CRAMP1: variants seen among roughly 807,000 people sequenced by gnomAD.
CRAMP1 encodes the protein protein cramped-like.
Under a neutral mutation model 115.4 loss-of-function variants are expected in CRAMP1, and 50 were observed. The ratio of observed to expected loss-of-function variants is 0.43; its 90% CI spans 0.35 to 0.55. The LOEUF is 0.55. CRAMP1 is among the 20% of genes least tolerant of loss of function. The pLI is 0.01. For synonymous variants in CRAMP1, 866 were observed against 745.4 expected (o/e 1.16, Z -2.64); for missense variants, 1,679 against 1,721.7 (o/e 0.98, Z 0.44).
rs1480985613 is a variant in CRAMP1 at position 1,612,608 on chromosome 16, C to G, written c.-51C>G. 6.6e-6 allele frequency among the ~76,000 whole-genome samples: 1 copy of G among 151,816 alleles called. No individual in the cohort carries two copies. Among genetic ancestry groups the G allele is most frequent in the South Asian group, 2.1e-4 (1 of 4,834 alleles). On this transcript the variant is annotated 5_prime_UTR_variant, in exon 1 of 21. Coordinates refer to ENST00000397412, the MANE Select transcript of CRAMP1 (RefSeq NM_020825.4). The stretch of plus-strand genomic sequence containing the variant: ...CCCGGCCCGGCTGGTTCTGCGGGCA[C>G]CCGGGGAGGCCCCGGGAAGCCAGGC...
chr16:1,674,313 A>G lies in CRAMP1; in HGVS notation c.*268A>G. ...CGCCTGGGCCCATGTTAGGGTCTGC[A>G]TAATGATCCCATTTCAGCCTGTGCT... On this transcript the variant is annotated 3_prime_UTR_variant, in exon 21 of 21. Coordinates refer to ENST00000397412, the MANE Select transcript of CRAMP1 (RefSeq NM_020825.4). 2.1e-6 allele frequency: 1 copy of G among 486,962 alleles called. No individual in the cohort carries two copies. Among genetic ancestry groups the G allele is most frequent in the Non-Finnish European group, 3.7e-6 (1 of 270,182 alleles). The allele number at this position is 486,962 out of a possible 1,614,324, so 30.2% of individuals were successfully genotyped here.
chr16:1,628,886 C>A (rs945107943), intron 3 of CRAMP1, among the ~76,000 whole-genome samples: 1 of 152,204 alleles, frequency 6.6e-6, no homozygotes, highest in African/African-American at 2.4e-5. Context: ...GCTCCTCAGG[C>A]GAGAGTGCTG....
Position 1,624,554 on chromosome 16 carries a change from G to A in CRAMP1, c.347-1419G>A, listed in dbSNP as rs778945696. Among the ~76,000 whole-genome samples, 82 of 151,560 alleles carry A rather than the reference G, an allele frequency of 5.4e-4. 1 individual carries two copies. Among genetic ancestry groups the A allele is most frequent in the Middle Eastern group, 3.4e-3 (1 of 294 alleles). On this transcript the variant is annotated intron_variant, in intron 2 of 20. Coordinates refer to ENST00000397412, the MANE Select transcript of CRAMP1 (RefSeq NM_020825.4). ...CTGCCTCAGTCTCCCAAGTAGCTAG[G>A]ACTACAGGCGTGCACCACCACACCT... is the stretch of plus-strand genomic sequence containing the variant.
At chr16:1,633,887 G>C (rs1185294847) in intron 4 of CRAMP1, among the ~76,000 whole-genome samples, 1 of 152,164 alleles carries the variant, frequency 6.6e-6, no homozygotes, top group Non-Finnish European at 1.5e-5. Flanking sequence ...GGCCAACATG[G>C]TGAAACCGCA....
Position 1,669,356 on chromosome 16 carries a change from G to C in CRAMP1, c.3499+191G>C, listed in dbSNP as rs754056625. Among the ~76,000 whole-genome samples, 1 of 152,200 alleles carries C rather than the reference G, an allele frequency of 6.6e-6. No homozygotes were observed. The highest frequency in any genetic ancestry group is 2.4e-5 in the African/African-American group (1 of 41,434). On this transcript the variant is annotated intron_variant, in intron 19 of 20. Coordinates refer to ENST00000397412, the MANE Select transcript of CRAMP1 (RefSeq NM_020825.4). The surrounding 1 kb of genome is among the most constrained non-coding windows in gnomAD (Gnocchi z 4.6). The stretch of plus-strand genomic sequence containing the variant: ...ATGTAGGAAAATGTACACATTTTTA[G>C]TGTACAGTTCACCAAGCTTTGGCAA...
chr16:1,665,698 C>G (rs1325748063), intron 14 of CRAMP1: 1 of 242,434 alleles, frequency 4.1e-6, no homozygotes, highest in Non-Finnish European at 8.0e-6. Context: ...CTGTGGGAAG[C>G]CTGGCAAGAT....
chr16:1,612,858 C>T (rs1284394613), intron 1 of CRAMP1, among the ~76,000 whole-genome samples: 2 of 152,118 alleles, frequency 1.3e-5, no homozygotes, highest in African/African-American at 4.8e-5. Context: ...GGAGACTGCG[C>T]CTCCGAGAAA....
At chr16:1,613,349 C>T (rs1206901946) in intron 1 of CRAMP1, among the ~76,000 whole-genome samples, 1 of 152,132 alleles carries the variant, frequency 6.6e-6, no homozygotes, top group Non-Finnish European at 1.5e-5. Context: ...GGCATCATTG[C>T]GACTTTGAAG....
intron 6 of CRAMP1, among the ~76,000 whole-genome samples, chr16:1,642,691 G>C (rs1446333991): frequency 3.9e-5 from 6 of 152,250 alleles, no homozygotes; most frequent in African/African-American, 1.4e-4. Flanking sequence ...GTTGGTTTCT[G>C]ATGTCAGCTG....
chr16:1,632,397 C>A, intron 4 of CRAMP1, 32 bp downstream of exon 4: 1 of 1,558,026 alleles, frequency 6.4e-7, no homozygotes, highest in Non-Finnish European at 8.7e-7. Flanking sequence ...CTCGGGGGTG[C>A]CCACAGGCAG....
rs372480775 is a variant in CRAMP1 at position 1,674,063 on chromosome 16, G to A, written c.*18G>A. 68 of 1,609,712 alleles carry A rather than the reference G, an allele frequency of 4.2e-5. 1 individual carries two copies. The highest frequency in any genetic ancestry group is 2.0e-4 in the African/African-American group (15 of 74,818). On this transcript the variant is annotated 3_prime_UTR_variant, in exon 21 of 21. Transcript: ENST00000397412. ...CCCAGTGACCACACGTCCTGGTGGC[G>A]GATGAAGCCCTCTTCGAGCTAGAGA... is the stretch of plus-strand genomic sequence containing the variant.
Position 1,656,134 on chromosome 16 carries a change from C to T in CRAMP1, c.1377C>T (p.Gly459=), listed in dbSNP as rs1285455135. ...AGAGTGGGCAGGGCACGGCCCGGGG[C>T]CAGGTGAAATGCCCGCGGAGCGGAG... is the stretch of plus-strand genomic sequence containing the variant. ...GIQSGQGTAR[G]QVKCPRSGAE... The change falls in exon 10 of 21, where the codon GGC becomes GGT. Residue 459 remains glycine (G), a synonymous_variant. Transcript: ENST00000397412. This position sits in a 1 kb window ranked among gnomAD's most constrained non-coding sequence, Gnocchi z 5.6. 2 of 1,608,358 alleles carry T rather than the reference C, an allele frequency of 1.2e-6. No homozygotes were observed. Among genetic ancestry groups the T allele is most frequent in the East Asian group, 2.2e-5 (1 of 44,800 alleles).
At position 1,666,492 on chromosome 16, in the gene CRAMP1, G is replaced by A. The variant is rs756885136; in HGVS notation, c.2928G>A (p.Glu976=). The change falls in exon 16 of 21, where the codon GAG becomes GAA. Residue 976 remains glutamate (E), a synonymous_variant. Coordinates refer to ENST00000397412, the MANE Select transcript of CRAMP1 (RefSeq NM_020825.4). The surrounding 1 kb of genome is among the most constrained non-coding windows in gnomAD (Gnocchi z 5.0). ...SGNPLPALDT[E]GLSGISPLSS... Reference sequence around the variant, plus strand: ...ACCCCCTCCCTGCCTTGGACACCGAGGGCTTGTCTGGCATCTCTCCACTGT... The same window carrying A: ...ACCCCCTCCCTGCCTTGGACACCGAAGGCTTGTCTGGCATCTCTCCACTGT... The A allele has an allele frequency of 3.1e-6, 5 of 1,613,962 alleles. No individual in the cohort carries two copies. Among genetic ancestry groups the A allele is most frequent in the Admixed American group, 3.3e-5 (2 of 60,018 alleles).
rs1256830369 is a variant in CRAMP1 at position 1,669,016 on chromosome 16, T to C, written c.3350T>C (p.Leu1117Pro). Residue 1117 changes from leucine (L) to proline (P), a missense_variant, in exon 19 of 21, where the codon CTT becomes CCT. Leu to Pro is a moderately conservative substitution (Grantham distance 98). Transcript: ENST00000397412. The surrounding 1 kb of genome is among the most constrained non-coding windows in gnomAD (Gnocchi z 4.6). ...SSGQYGEGVPLSPAKLNGSDS... is the reference protein window; with the variant it reads ...SSGQYGEGVPPSPAKLNGSDS... Reference sequence around the variant, plus strand: ...TGGTTGGCAGGTGAAGGAGTCCCTCTTTCTCCAGCAAAACTGAATGGCAGT... The same window carrying C: ...TGGTTGGCAGGTGAAGGAGTCCCTCCTTCTCCAGCAAAACTGAATGGCAGT... The C allele has an allele frequency of 6.2e-7, 1 of 1,613,066 alleles. No individual in the cohort carries two copies. Among genetic ancestry groups the C allele is most frequent in the Non-Finnish European group, 8.5e-7 (1 of 1,179,538 alleles).
At chr16:1,617,015 G>A (rs923795042) in intron 2 of CRAMP1, among the ~76,000 whole-genome samples, 5 of 150,904 alleles carry the variant, frequency 3.3e-5, no homozygotes, top group Admixed American at 1.3e-4. Flanking sequence ...TAGTTGAGAC[G>A]GGGTTTCACC....
chr16:1,626,240 T>G, intron 3 of CRAMP1, 74 bp downstream of exon 3: 1 of 1,330,634 alleles, frequency 7.5e-7, no homozygotes, highest in South Asian at 1.6e-5. Flanking sequence ...TTCCCCGTGC[T>G]TCCTCTTTGC....
intron 2 of CRAMP1, chr16:1,625,625 A>C (rs2036501813): frequency 5.5e-6 from 1 of 183,380 alleles, no homozygotes; most frequent in Non-Finnish European, 1.1e-5. Flanking sequence ...AATACGCATG[A>C]AATGTGATGT....
rs772579644 is a variant in CRAMP1 at position 1,666,444 on chromosome 16, A to C, written c.2880A>C (p.Thr960=). 6.2e-7 allele frequency: 1 copy of C among 1,613,494 alleles called. No homozygotes were observed. Residue 960 remains threonine, a synonymous_variant, in exon 16 of 21, where the codon ACA becomes ACC. Coordinates refer to ENST00000397412, the MANE Select transcript of CRAMP1 (RefSeq NM_020825.4). The surrounding 1 kb of genome is among the most constrained non-coding windows in gnomAD (Gnocchi z 5.0). The part of the protein sequence containing the change: ...HLASAIDLAA[T]SAGILSGNPL... ...CAGGTGCTATCGACTTAGCAGCTAC[A>C]AGTGCCGGCATCCTTTCCGGGAACC...
chr16:1,613,971 C>T (rs1304930990), intron 1 of CRAMP1, among the ~76,000 whole-genome samples: 2 of 151,900 alleles, frequency 1.3e-5, no homozygotes, highest in Admixed American at 6.5e-5. Flanking sequence ...ATTGGGCCAC[C>T]ATGGAGTTCC....
Sources: gnomAD v4.1 joint callset for allele counts (sites outside exome capture counted in the v4.1 genomes callset) on GRCh38, gnomAD v4.1.1 for gene constraint, Gnocchi (gnomAD v3.1) non-coding constraint, MANE v1.5 for transcripts, NCBI Gene and HGNC (gene_info 2026-07-23, HGNC 2026-07-21) for gene names.